Variants in COL5A1 observed in about 807,000 individuals in gnomAD.
COL5A1 encodes collagen alpha-1(V) chain.
In COL5A1, 16 loss-of-function variants were observed where a neutral mutation model predicts 263.7. That is an observed-to-expected ratio of 0.06 (90% CI 0.04 to 0.09). COL5A1 has a LOEUF of 0.09. COL5A1 is among the 10% of genes least tolerant of loss of function. The probability of loss-of-function intolerance (pLI) is 1.00; values close to 1 mark genes in which losing one functional copy is unlikely to be tolerated. For missense variants in COL5A1, 2,036 were observed against 2,540.5 expected (o/e 0.80, Z 4.27); for synonymous variants, 1,012 against 1,004.5 (o/e 1.01, Z -0.14).
chr9:134,807,388 G>A (rs1054847828), intron 42 of COL5A1, among the ~76,000 whole-genome samples: 10 of 152,168 alleles, frequency 6.6e-5, no homozygotes, highest in Non-Finnish European at 1.3e-4. Context: ...CCACCTCCTG[G>A]GTTCAAGCAA....
At chr9:134,756,926 C>T (rs1409779325) in intron 17 of COL5A1, 108 bp downstream of exon 17, 1 of 1,108,684 alleles carries the variant, frequency 9.0e-7, no homozygotes, top group East Asian at 2.4e-5. Flanking sequence ...ATTATGATGA[C>T]AGGTGGCTCC....
At chr9:134,786,771 G>A (rs954940655) in intron 31 of COL5A1, among the ~76,000 whole-genome samples, 2 of 152,152 alleles carry the variant, frequency 1.3e-5, no homozygotes, top group African/African-American at 4.8e-5. Context: ...GCCTGCACTG[G>A]AGACATAATT....
At position 134,757,533 on chromosome 9, in the gene COL5A1, C is replaced by G. The variant is rs548418938; in HGVS notation, c.1882-710C>G. ...ACTACACCTGTTCCCTCTTAACGGGCGTGGATGAGCTCTGAAGTGCATCCC... is the reference window on the plus strand; with the variant it reads ...ACTACACCTGTTCCCTCTTAACGGGGGTGGATGAGCTCTGAAGTGCATCCC... On this transcript the variant is annotated intron_variant, in intron 17 of 65. Coordinates refer to ENST00000371817, the MANE Select transcript of COL5A1 (RefSeq NM_000093.5). This position sits in a 1 kb window ranked among gnomAD's most constrained non-coding sequence, Gnocchi z 6.2. 2.0e-5 allele frequency among the ~76,000 whole-genome samples: 3 copies of G among 152,156 alleles called. No homozygotes were observed. The highest frequency in any genetic ancestry group is 7.2e-5 in the African/African-American group (3 of 41,432).
intron 64 of COL5A1, among the ~76,000 whole-genome samples, chr9:134,834,085 C>T (rs534205145): frequency 2.0e-5 from 3 of 152,240 alleles, no homozygotes; most frequent in Admixed American, 2.0e-4. Context: ...AGAAGGAGGA[C>T]ACCTGCTGTC....
chr9:134,658,683 C>T (rs967167491), intron 1 of COL5A1, among the ~76,000 whole-genome samples: 13 of 152,044 alleles, frequency 8.6e-5, no homozygotes, highest in Non-Finnish European at 1.6e-4. Context: ...CCTCTTGTAC[C>T]CTGCCCGGCT....
chr9:134,821,823 C>T lies in COL5A1; in HGVS notation c.4555-274C>T, dbSNP rs1227728127. Among the ~76,000 whole-genome samples the T allele has an allele frequency of 6.6e-6, 1 of 152,216 alleles. No individual in the cohort carries two copies. Among genetic ancestry groups the T allele is most frequent in the Non-Finnish European group, 1.5e-5 (1 of 68,030 alleles). On this transcript the variant is annotated intron_variant, in intron 58 of 65. Transcript: ENST00000371817. The surrounding 1 kb of genome is among the most constrained non-coding windows in gnomAD (Gnocchi z 4.2). ...AAAGAGGTGCTCAGCCTGAAGTCCT[C>T]GGTGGCCTGGGGGATGAGAGTGAGT...
At chr9:134,747,773 A>G (rs560138309) in intron 11 of COL5A1, among the ~76,000 whole-genome samples, 1 of 151,904 alleles carries the variant, frequency 6.6e-6, no homozygotes, top group East Asian at 1.9e-4. Context: ...ATACATGCAG[A>G]CACATGCACA....
At chr9:134,822,728 C>CCCCCCCCCCG (rs71499198) in intron 59 of COL5A1, among the ~76,000 whole-genome samples, 1 of 151,366 alleles carries the variant, frequency 6.6e-6, no homozygotes, top group African/African-American at 2.4e-5. Flanking sequence ...GCGCCCCCCC[C>CCCCCCCCCCG]GCGGCTGTCT....
In COL5A1 at chr9:134,754,349, G is replaced by T; in HGVS notation, c.1827+23G>T. On this transcript the variant is annotated intron_variant, in intron 16 of 65. Transcript: ENST00000371817. The surrounding 1 kb of genome is among the most constrained non-coding windows in gnomAD (Gnocchi z 4.3). Reference sequence around the variant, plus strand: ...CGGGTGAGTGGTGCGAGTGTGTGTGGTTTAGTGACAGCAGCTTGGGCGCTG... The same window carrying T: ...CGGGTGAGTGGTGCGAGTGTGTGTGTTTTAGTGACAGCAGCTTGGGCGCTG... The T allele has an allele frequency of 1.2e-6, 2 of 1,613,954 alleles. No individual in the cohort carries two copies. The highest frequency in any genetic ancestry group is 1.7e-6 in the Non-Finnish European group (2 of 1,180,006).
At chr9:134,692,171 C>T (rs1833308101) in intron 2 of COL5A1, among the ~76,000 whole-genome samples, 1 of 152,210 alleles carries the variant, frequency 6.6e-6, no homozygotes, top group African/African-American at 2.4e-5. Context: ...ACCTTCGAGG[C>T]ACCGAGTCTC....
intron 18 of COL5A1, among the ~76,000 whole-genome samples, chr9:134,760,752 A>C (rs369565081): frequency 0.11 from 14,310 of 126,190 alleles, 1,390 homozygotes; most frequent in African/African-American, 0.27. Flanking sequence ...ATGCACACAC[A>C]CCCCACACAT....
rs575439407 is a variant in COL5A1 at position 134,789,835 on chromosome 9, T to C, written c.2700+627T>C. Among the ~76,000 whole-genome samples, 4 of 152,284 alleles carry C rather than the reference T, an allele frequency of 2.6e-5. No individual in the cohort carries two copies. The highest frequency in any genetic ancestry group is 9.6e-5 in the African/African-American group (4 of 41,552). ...CTGCAGGAGCGGTCCTGGATGCTTG[T>C]TAGTGAAATCACAGTGCCTGAGCAT... is the stretch of plus-strand genomic sequence containing the variant. On this transcript the variant is annotated intron_variant, in intron 32 of 65. Transcript: ENST00000371817. The surrounding 1 kb of genome is among the most constrained non-coding windows in gnomAD (Gnocchi z 4.8).
At chr9:134,654,895 G>T (rs1245027008) in intron 1 of COL5A1, among the ~76,000 whole-genome samples, 29 of 127,934 alleles carry the variant, frequency 2.3e-4, no homozygotes, top group African/African-American at 2.4e-4. Context: ...TAGGGCTGGG[G>T]GTGTGTAGGG....
At chr9:134,719,781 A>G (rs1182172017) in intron 4 of COL5A1, among the ~76,000 whole-genome samples, 1 of 152,186 alleles carries the variant, frequency 6.6e-6, no homozygotes, top group Non-Finnish European at 1.5e-5. Flanking sequence ...GGAGAAAGCA[A>G]TGAAGGGTGG....
chr9:134,747,702 C>T (rs1240714133), intron 11 of COL5A1, among the ~76,000 whole-genome samples: 1 of 151,936 alleles, frequency 6.6e-6, no homozygotes, highest in African/African-American at 2.4e-5. Flanking sequence ...CACATGCACA[C>T]ATGCATTCAT....
At chr9:134,724,513 G>C (rs1834577793) in intron 4 of COL5A1, among the ~76,000 whole-genome samples, 1 of 152,218 alleles carries the variant, frequency 6.6e-6, no homozygotes, top group Admixed American at 6.5e-5. Flanking sequence ...TGGTTGTGAT[G>C]CTCCCACCCG....
At chr9:134,688,297 A>G (rs555263818) in intron 1 of COL5A1, among the ~76,000 whole-genome samples, 3 of 152,294 alleles carry the variant, frequency 2.0e-5, no homozygotes, top group South Asian at 2.1e-4. Context: ...GTGTGAGTCC[A>G]GGAAGCCCCG....
At chr9:134,817,877 G>A in intron 54 of COL5A1, 46 bp downstream of exon 54, 1 of 1,549,810 alleles carries the variant, frequency 6.5e-7, no homozygotes. Context: ...ACCTCCCCCA[G>A]GGGAGCCCAG....
chr9:134,824,430 C>A (rs1371770742), intron 61 of COL5A1, among the ~76,000 whole-genome samples, 170 bp from the exon 62 acceptor site: 1 of 152,338 alleles, frequency 6.6e-6, no homozygotes, highest in East Asian at 1.9e-4. Flanking sequence ...GTTCCAGAGA[C>A]TGGAGGAAGG....
Sources: gnomAD v4.1 joint callset for allele counts (sites outside exome capture counted in the v4.1 genomes callset) on GRCh38, gnomAD v4.1.1 for gene constraint, Gnocchi (gnomAD v3.1) non-coding constraint, MANE v1.5 for transcripts, NCBI Gene and HGNC (gene_info 2026-07-23, HGNC 2026-07-21) for gene names.